Variants in PLXDC1 observed in about 807,000 individuals in gnomAD.
The protein encoded by PLXDC1 is plexin domain containing 1, also known as plexin domain-containing protein 1.
PLXDC1 carries 39 observed loss-of-function variants against 61.3 expected under a neutral mutation model. The observed-to-expected ratio is 0.64, with a 90% CI of 0.49 to 0.83. The LOEUF (loss-of-function observed/expected upper bound fraction) is 0.83. Among genes scored for constraint, PLXDC1 ranks in the 40% least tolerant of loss-of-function variants. The pLI is 0.00. For synonymous variants in PLXDC1, 212 were observed against 254.5 expected (o/e 0.83, Z 1.59); for missense variants, 596 against 666.5 (o/e 0.89, Z 1.17).
chr17:39,094,606 G>A (rs1208209331), intron 7 of PLXDC1, among the ~76,000 whole-genome samples: 1 of 152,086 alleles, frequency 6.6e-6, no homozygotes, highest in Non-Finnish European at 1.5e-5. Context: ...CAGACCACAA[G>A]CTCCGCTAAG....
chr17:39,105,746 TCTGCCCCTTGTCTACTCC>T, intron 7 of PLXDC1, 90 bp downstream of exon 7: 1 of 672,470 alleles, frequency 1.5e-6, no homozygotes, highest in South Asian at 1.9e-5. Context: ...CTCTCAACTC[TCTGCCCCTTGTCTACTCC>T]CTGCCACTGC....
chr17:39,083,596 G>T (rs905884945), intron 8 of PLXDC1, 56 bp from the exon 9 acceptor site: 1 of 1,322,368 alleles, frequency 7.6e-7, no homozygotes, highest in Admixed American at 1.9e-5. Context: ...GGGCTCCAAA[G>T]GGTGCAACTC....
Position 39,078,660 on chromosome 17 carries a change from C to T in PLXDC1, c.1050+444G>A, listed in dbSNP as rs570464092. Among the ~76,000 whole-genome samples the T allele has an allele frequency of 2.6e-5, 4 of 152,252 alleles. No homozygotes were observed. The South Asian group carries it at 8.3e-4, about 32-fold the overall frequency. On this transcript the variant is annotated intron_variant, in intron 10 of 13. Transcript: ENST00000315392. ...GAAAATTCTTGCAGTGAGAAGGAAC[C>T]TGGATGGGATTCTAAAGAGGAGATG... is the stretch of plus-strand genomic sequence containing the variant.
At chr17:39,146,701 A>T (rs570827584) in intron 1 of PLXDC1, among the ~76,000 whole-genome samples, 8 of 151,064 alleles carry the variant, frequency 5.3e-5, no homozygotes, top group South Asian at 2.1e-4. Context: ...AATAAATTTT[A>T]AAAAATTAGC....
At chr17:39,128,075 CT>C (rs1911369825) in intron 2 of PLXDC1, among the ~76,000 whole-genome samples, 1 of 104,840 alleles carries the variant, frequency 9.5e-6, no homozygotes, top group African/African-American at 3.7e-5. Flanking sequence ...CTGTCTCTCT[CT>C]CTCTCTCTCT....
At chr17:39,130,258 C>A (rs1597656993) in intron 2 of PLXDC1, among the ~76,000 whole-genome samples, 1 of 152,042 alleles carries the variant, frequency 6.6e-6, no homozygotes, top group African/African-American at 2.4e-5. Flanking sequence ...TTCAAGACCA[C>A]CCTGGGCAAC....
At chr17:39,088,752 C>A (rs1288245974) in intron 7 of PLXDC1, among the ~76,000 whole-genome samples, 1 of 151,574 alleles carries the variant, frequency 6.6e-6, no homozygotes, top group East Asian at 1.9e-4. Flanking sequence ...ACCAGCCTGG[C>A]CAACAGGGTT....
chr17:39,124,633 A>G (rs1184106347), intron 2 of PLXDC1, among the ~76,000 whole-genome samples: 1 of 152,220 alleles, frequency 6.6e-6, no homozygotes, highest in Non-Finnish European at 1.5e-5. Flanking sequence ...TGTGAGAAAG[A>G]GCTTAGGCTC....
At chr17:39,084,826 G>A (rs903157065) in intron 8 of PLXDC1, among the ~76,000 whole-genome samples, 6 of 152,252 alleles carry the variant, frequency 3.9e-5, no homozygotes, top group Non-Finnish European at 7.3e-5. Flanking sequence ...AGCAGGGCAG[G>A]GGGCGCAGTA....
rs116775503 is a variant in PLXDC1, at chr17:39,101,242, C to T, written c.811+4612G>A. ...CAGAGGCACTGAAATATCAGAAACG[C>T]GCAGAAGAGTTCAAGGCCGTGTTTG... On this transcript the variant is annotated intron_variant, in intron 7 of 13. Transcript: ENST00000315392. 4.1e-3 allele frequency among the ~76,000 whole-genome samples: 627 copies of T among 152,312 alleles called. 3 individuals carry two copies. Among genetic ancestry groups the T allele is most frequent in the African/African-American group, 9.1e-3 (378 of 41,558 alleles).
chr17:39,090,950 G>A (rs552634270), intron 7 of PLXDC1, among the ~76,000 whole-genome samples: 12 of 152,204 alleles, frequency 7.9e-5, no homozygotes, highest in South Asian at 4.1e-4. Flanking sequence ...CCAGTTCCCC[G>A]CTGCTGTGGA....
At chr17:39,096,866 A>G (rs372104303) in intron 7 of PLXDC1, 2 of 467,278 alleles carry the variant, frequency 4.3e-6, no homozygotes, top group Non-Finnish European at 8.9e-6. Flanking sequence ...CCAGCCACAT[A>G]GCGGATACAC....
At chr17:39,076,714 G>A (rs1281377062) in intron 11 of PLXDC1, among the ~76,000 whole-genome samples, 1 of 151,994 alleles carries the variant, frequency 6.6e-6, no homozygotes, top group Non-Finnish European at 1.5e-5. Flanking sequence ...AAAGCTGGAT[G>A]CAGGGTTTTG....
intron 2 of PLXDC1, among the ~76,000 whole-genome samples, chr17:39,133,667 G>A (rs1911636534): frequency 6.6e-6 from 1 of 152,164 alleles, no homozygotes. Context: ...CACCCAGGCT[G>A]GAGTGCTGTG....
chr17:39,087,438 C>T (rs1372440750), intron 8 of PLXDC1, among the ~76,000 whole-genome samples, 169 bp downstream of exon 8: 2 of 152,192 alleles, frequency 1.3e-5, no homozygotes, highest in African/African-American at 4.8e-5. Context: ...CACCCTTACC[C>T]TATCTCTGGG....
At chr17:39,118,820 C>T (rs1055431447) in intron 2 of PLXDC1, among the ~76,000 whole-genome samples, 7 of 152,048 alleles carry the variant, frequency 4.6e-5, no homozygotes, top group African/African-American at 1.2e-4. Context: ...GATCACCACC[C>T]GGGAGGGTGA....
intron 9 of PLXDC1, among the ~76,000 whole-genome samples, chr17:39,082,490 A>G (rs1254187303): frequency 1.3e-5 from 2 of 151,616 alleles, no homozygotes; most frequent in Admixed American, 1.3e-4. Flanking sequence ...GCTTGAACTC[A>G]GGAGGTAAAG....
intron 2 of PLXDC1, among the ~76,000 whole-genome samples, chr17:39,128,228 T>G (rs1179720442): frequency 1.3e-5 from 2 of 149,168 alleles, no homozygotes; most frequent in African/African-American, 5.0e-5. Context: ...TATATATATA[T>G]TTTTTTGAGA....
At position 39,138,045 on chromosome 17, in the gene PLXDC1, G is replaced by A. The variant is rs143935155; in HGVS notation, c.255+1609C>T. On this transcript the variant is annotated intron_variant, in intron 2 of 13. Transcript: ENST00000315392. ...CCGCCCAGGCTCAAGCAATCCTCCA[G>A]CCTTAGCCTCCCAAGTAGCTGGGAC... 1.2e-3 allele frequency among the ~76,000 whole-genome samples: 176 copies of A among 152,184 alleles called. 3 individuals carry two copies. The East Asian group carries it at 0.031, about 27-fold the overall frequency.
Sources: gnomAD v4.1 joint callset for allele counts (sites outside exome capture counted in the v4.1 genomes callset) on GRCh38, gnomAD v4.1.1 for gene constraint, MANE v1.5 for transcripts, NCBI Gene and HGNC (gene_info 2026-07-23, HGNC 2026-07-21) for gene names.